Variants in OR2L3 observed in about 807,000 individuals in gnomAD.
The protein encoded by OR2L3 is olfactory receptor 2L3.
For synonymous variants in OR2L3, 131 were observed against 139.1 expected (o/e 0.94, Z 0.41); for missense variants, 369 against 376.6 (o/e 0.98, Z 0.17).
intron 1 of OR2L3, chr1:248,051,225 T>C (rs1281909161): frequency 1.3e-5 from 2 of 152,088 alleles, no homozygotes; most frequent in Middle Eastern, 6.8e-3. Context: ...TGAATTTCAC[T>C]ACTGTGGGTA....
intron 1 of OR2L3, among the ~76,000 whole-genome samples, chr1:248,051,712 A>T (rs1049960752): frequency 9.2e-5 from 14 of 152,068 alleles, no homozygotes; most frequent in Non-Finnish European, 1.9e-4. Flanking sequence ...ACAAACCACG[A>T]TTGTACTCCC....
At chr1:248,060,639 T>C (rs1340984386) in intron 1 of OR2L3, 22 bp from the exon 2 acceptor site, 4 of 1,507,462 alleles carry the variant, frequency 2.7e-6, no homozygotes, top group Non-Finnish European at 3.6e-6. Context: ...TGTGCTTAAC[T>C]TACCCTTGTG....
At chr1:248,053,878 T>G (rs1383490370) in intron 1 of OR2L3, among the ~76,000 whole-genome samples, 1 of 152,214 alleles carries the variant, frequency 6.6e-6, no homozygotes, top group Non-Finnish European at 1.5e-5. Context: ...GATGGATAGA[T>G]TGCAATAATT....
At chr1:248,050,665 T>G (rs1306456516) in intron 1 of OR2L3, among the ~76,000 whole-genome samples, 4 of 152,196 alleles carry the variant, frequency 2.6e-5, no homozygotes, top group African/African-American at 4.8e-5. Flanking sequence ...CAGTTTGTCA[T>G]AGAGAGTCCT....
intron 1 of OR2L3, among the ~76,000 whole-genome samples, chr1:248,050,176 G>A (rs1335777390): frequency 6.6e-6 from 1 of 151,880 alleles, no homozygotes; most frequent in African/African-American, 2.4e-5. Flanking sequence ...TACTCACTCT[G>A]AAATAGTGAC....
chr1:248,052,302 A>G (rs189787834), intron 1 of OR2L3, among the ~76,000 whole-genome samples: 63 of 152,320 alleles, frequency 4.1e-4, no homozygotes, highest in African/African-American at 1.5e-3. Flanking sequence ...GAGTGGACTT[A>G]GTTCCTTTTT....
intron 1 of OR2L3, among the ~76,000 whole-genome samples, chr1:248,057,731 T>C (rs960152190): frequency 6.6e-6 from 1 of 152,218 alleles, no homozygotes; most frequent in East Asian, 1.9e-4. Flanking sequence ...AGGTTTATTC[T>C]TAAGTGTTTT....
chr1:248,054,625 G>T (rs1042598216), intron 1 of OR2L3, among the ~76,000 whole-genome samples: 3 of 151,984 alleles, frequency 2.0e-5, no homozygotes, highest in African/African-American at 4.8e-5. Context: ...CTTGAACAAT[G>T]GTTTGTAGTT....
chr1:248,050,636 A>G (rs1365508061), intron 1 of OR2L3, among the ~76,000 whole-genome samples: 3 of 152,168 alleles, frequency 2.0e-5, no homozygotes, highest in African/African-American at 7.2e-5. Flanking sequence ...AATTAGGATA[A>G]TGTTAACTAT....
At position 248,063,276 on chromosome 1, in the gene OR2L3, C is replaced by G. The variant is rs529572039; in HGVS notation, c.*1656C>G. On this transcript the variant is annotated 3_prime_UTR_variant, in exon 2 of 2. Coordinates refer to ENST00000359959, the MANE Select transcript of OR2L3 (RefSeq NM_001004687.2). ...CATTTTCTTTCACCAGTGATTTGTA[C>G]AAATACATTCTAGTGTTCTCTTCCA... The G allele has an allele frequency of 1.3e-5, 2 of 152,294 alleles. No individual in the cohort carries two copies. The highest frequency in any genetic ancestry group is 2.1e-4 in the South Asian group (1 of 4,830). The allele number at this position is 152,294 out of a possible 1,614,324, so 9.4% of individuals were successfully genotyped here. A position where few individuals can be genotyped will look rare whatever the true frequency, so the allele number is the denominator to read the frequency against.
rs1663596352 is a variant in OR2L3 at position 248,060,723 on chromosome 1, A to G, written c.42A>G (p.Leu14=). Reference sequence around the variant, plus strand: ...AAACATCAACTGATTTCATCTTATTAGGATTCTTCCCACCATCAAGAATTG... The same window carrying G: ...AAACATCAACTGATTTCATCTTATTGGGATTCTTCCCACCATCAAGAATTG... ...YNQTSTDFIL[L]GFFPPSRIGL... The change falls in exon 2 of 2, where the codon TTA becomes TTG. Residue 14 remains leucine, a synonymous_variant. Coordinates refer to ENST00000359959, the MANE Select transcript of OR2L3 (RefSeq NM_001004687.2). The G allele has an allele frequency of 6.2e-7, 1 of 1,614,002 alleles. No homozygotes were observed. The highest frequency in any genetic ancestry group is 2.2e-5 in the East Asian group (1 of 44,874).
At chr1:248,048,593 C>G (rs950387666) in intron 1 of OR2L3, among the ~76,000 whole-genome samples, 3 of 152,076 alleles carry the variant, frequency 2.0e-5, no homozygotes, top group Admixed American at 2.0e-4. Flanking sequence ...CAGGTACAGA[C>G]AGCTTGTTTT....
At chr1:248,055,565 G>A (rs1443316526) in intron 1 of OR2L3, among the ~76,000 whole-genome samples, 2 of 152,140 alleles carry the variant, frequency 1.3e-5, no homozygotes, top group Admixed American at 1.3e-4. Flanking sequence ...AGACCAGCCT[G>A]GCCAACTTCG....
At chr1:248,047,847 C>T (rs1487635607) in intron 1 of OR2L3, among the ~76,000 whole-genome samples, 1 of 152,162 alleles carries the variant, frequency 6.6e-6, no homozygotes, top group African/African-American at 2.4e-5. Flanking sequence ...CTGAAACTTG[C>T]AGGTTCTCTT....
At chr1:248,047,813 C>T (rs1426449375) in intron 1 of OR2L3, among the ~76,000 whole-genome samples, 2 of 152,202 alleles carry the variant, frequency 1.3e-5, no homozygotes, top group African/African-American at 4.8e-5. Flanking sequence ...GTTGATGATG[C>T]TGGCAATGAT....
chr1:248,055,880 G>A (rs1408580764), intron 1 of OR2L3: 1 of 151,770 alleles, frequency 6.6e-6, no homozygotes, highest in Non-Finnish European at 1.5e-5. Context: ...GTAGAATTCA[G>A]CTGTAATCCA....
intron 1 of OR2L3, among the ~76,000 whole-genome samples, chr1:248,053,802 GTTGT>G (rs909595659): frequency 6.2e-4 from 94 of 152,200 alleles, no homozygotes; most frequent in African/African-American, 2.2e-3. Flanking sequence ...TTTTAATGGG[GTTGT>G]TTGTTCTTTT....
Position 248,061,445 on chromosome 1 carries a change from T to C in OR2L3, c.764T>C (p.Val255Ala). 6.2e-7 allele frequency: 1 copy of C among 1,614,020 alleles called. No homozygotes were observed. ...GTAACTTTCTACTATGCACCTTTTG[T>C]CTACACTTATCTACGTCCAAGATCC... Reference protein sequence around the residue: ...TVVTFYYAPFVYTYLRPRSLR... With the variant: ...TVVTFYYAPFAYTYLRPRSLR... The change falls in exon 2 of 2, where the codon GTC becomes GCC. Residue 255 changes from valine (V) to alanine (A), a missense_variant. Val to Ala is a moderately conservative substitution (Grantham distance 64). Coordinates refer to ENST00000359959, the MANE Select transcript of OR2L3 (RefSeq NM_001004687.2).
rs115056097 is a variant in OR2L3, at chr1:248,057,227, C to T, written c.-21-3434C>T. 2.9e-3 allele frequency among the ~76,000 whole-genome samples: 442 copies of T among 152,062 alleles called. 7 individuals are homozygous for T. Among genetic ancestry groups the T allele is most frequent in the African/African-American group, 1.0e-2 (414 of 41,470 alleles). ...TTCTGTCTCAATTATCTAATAGTGA[C>T]GGTGGGGTATTAAAGTCTCTCACTA... On this transcript the variant is annotated intron_variant, in intron 1 of 1. Coordinates refer to ENST00000359959, the MANE Select transcript of OR2L3 (RefSeq NM_001004687.2).
Sources: gnomAD v4.1 joint callset for allele counts (sites outside exome capture counted in the v4.1 genomes callset) on GRCh38, gnomAD v4.1.1 for gene constraint, MANE v1.5 for transcripts, NCBI Gene and HGNC (gene_info 2026-07-23, HGNC 2026-07-21) for gene names.